ANXA1: variants seen among roughly 807,000 people sequenced by gnomAD.
The protein encoded by ANXA1 is annexin I (lipocortin I).
A neutral mutation model predicts 47.9 loss-of-function variants in ANXA1; 39 were observed. That is an observed-to-expected ratio of 0.81 (90% confidence interval 0.63 to 1.06). The LOEUF (loss-of-function observed/expected upper bound fraction) is 1.06, where lower values mean the gene tolerates loss of function less well. Ranked by LOEUF, ANXA1 falls within the 50% of genes least tolerant of loss-of-function variation. The pLI is 0.00. For synonymous variants in ANXA1, 146 were observed against 142.5 expected (o/e 1.02, Z -0.17); for missense variants, 446 against 422.7 (o/e 1.06, Z -0.48).
At chr9:73,165,946 T>C in intron 9 of ANXA1, 151 bp from the exon 10 acceptor site, 1 of 568,322 alleles carries the variant, frequency 1.8e-6, no homozygotes, top group Non-Finnish European at 3.1e-6. Flanking sequence ...GATGAAGTAT[T>C]CACGTTATGA....
intron 8 of ANXA1, among the ~76,000 whole-genome samples, chr9:73,163,828 G>T (rs1824184058): frequency 6.6e-6 from 1 of 152,078 alleles, no homozygotes; most frequent in African/African-American, 2.4e-5. Context: ...ACCTTTCGTT[G>T]TACTAGGTAT....
chr9:73,157,479 A>T (rs147016834), intron 1 of ANXA1, among the ~76,000 whole-genome samples: 6,981 of 151,266 alleles, frequency 0.046, 244 homozygotes, highest in Middle Eastern at 0.1. Flanking sequence ...CATGGTGAAA[A>T]CCTGTCTCTA....
At chr9:73,169,870 T>C (rs1824293906) in intron 12 of ANXA1, among the ~76,000 whole-genome samples, 181 bp from the exon 13 acceptor site, 1 of 152,144 alleles carries the variant, frequency 6.6e-6, no homozygotes, top group South Asian at 2.1e-4. Flanking sequence ...TCTTGAAGGC[T>C]ATTGCTTTTT....
chr9:73,152,198 A>C (rs1395970607), intron 1 of ANXA1, among the ~76,000 whole-genome samples: 1 of 152,176 alleles, frequency 6.6e-6, no homozygotes, highest in African/African-American at 2.4e-5. Flanking sequence ...TACCATGAGA[A>C]AGAAGGGAAG....
chr9:73,170,034 T>G lies in ANXA1; in HGVS notation c.985-17T>G. On this transcript the variant is annotated splice_polypyrimidine_tract_variant and intron_variant, in intron 12 of 12. Transcript: ENST00000257497. ...GGTTTCGACTAACATTAAGTATACC[T>G]TTTTTTGAATCAACAGGATGAAACC... is the stretch of plus-strand genomic sequence containing the variant. 3.2e-6 allele frequency: 5 copies of G among 1,579,478 alleles called. No homozygotes were observed. The highest frequency in any genetic ancestry group is 3.4e-6 in the Non-Finnish European group (4 of 1,159,998).
At position 73,164,664 on chromosome 9, in the gene ANXA1, T is replaced by A. The variant is rs187966392; in HGVS notation, c.613-452T>A. Among the ~76,000 whole-genome samples the A allele has an allele frequency of 1.8e-3, 271 of 152,252 alleles. 3 individuals carry two copies. In the South Asian group the frequency reaches 0.029, roughly 16 times the overall value. On this transcript the variant is annotated intron_variant, in intron 8 of 12. Transcript: ENST00000257497. ...GTAAGGTTGATCTATTTGTCTAAGA[T>A]TATGCAGCTTTGAAATTGCAGAGTC... is the stretch of plus-strand genomic sequence containing the variant.
intron 6 of ANXA1, among the ~76,000 whole-genome samples, chr9:73,162,041 T>C (rs1287145449): frequency 6.6e-6 from 1 of 152,172 alleles, no homozygotes; most frequent in Admixed American, 6.6e-5. Flanking sequence ...GAAGCAGATG[T>C]GTGCAGAGAG....
intron 8 of ANXA1, among the ~76,000 whole-genome samples, chr9:73,164,047 G>A (rs767779991): frequency 3.3e-5 from 5 of 152,038 alleles, no homozygotes; most frequent in Non-Finnish European, 1.5e-5. Flanking sequence ...TGACATTGCT[G>A]ATTATTTATA....
intron 4 of ANXA1, chr9:73,159,737 A>C (rs1366611804): frequency 5.1e-6 from 1 of 195,434 alleles, no homozygotes; most frequent in Non-Finnish European, 1.0e-5. Flanking sequence ...ATGTACTAAT[A>C]TTTAAACTGA....
At position 73,167,512 on chromosome 9, in the gene ANXA1, G is replaced by T. The variant is rs1466603676; in HGVS notation, c.818G>T (p.Ser273Ile). Residue 273 changes from serine (S) to isoleucine (I), a missense_variant, in exon 11 of 13, where the codon AGC becomes ATC. By Grantham distance (142) the Ser-to-Ile change is moderately radical. Transcript: ENST00000257497. ...TCTCTAACAGTGAAGTGCGCCACAA[G>T]CAAACCAGCTTTCTTTGCAGAGAAG... ...CLTAIVKCAT[S>I]KPAFFAEKLH... The T allele has an allele frequency of 2.5e-6, 4 of 1,613,268 alleles. No individual in the cohort carries two copies. The highest frequency in any genetic ancestry group is 3.4e-6 in the Non-Finnish European group (4 of 1,179,534).
At chr9:73,160,687 T>C in intron 5 of ANXA1, 116 bp from the exon 6 acceptor site, 2 of 711,328 alleles carry the variant, frequency 2.8e-6, no homozygotes, top group Non-Finnish European at 4.9e-6. Context: ...TTAAATGTTG[T>C]GGGTGAAATT....
chr9:73,156,757 T>G (rs1824054459), intron 1 of ANXA1, among the ~76,000 whole-genome samples: 1 of 152,198 alleles, frequency 6.6e-6, no homozygotes, highest in Admixed American at 6.5e-5. Flanking sequence ...ATCAAGAATT[T>G]AAAACTGCCA....
At chr9:73,164,995 A>G (rs1824202603) in intron 8 of ANXA1, 121 bp from the exon 9 acceptor site, 2 of 667,610 alleles carry the variant, frequency 3.0e-6, no homozygotes, top group East Asian at 5.8e-5. Flanking sequence ...CTTATTGTTG[A>G]CTACTCTGAT....
chr9:73,158,352 TA>T (rs1563961472), intron 1 of ANXA1, 169 bp from the exon 2 acceptor site: 21 of 564,560 alleles, frequency 3.7e-5, no homozygotes, highest in Non-Finnish European at 5.0e-5. Context: ...AAGCTTCCTT[TA>T]AAAAAAATTA....
intron 6 of ANXA1, among the ~76,000 whole-genome samples, chr9:73,162,086 A>C (rs561978880): frequency 3.3e-5 from 5 of 152,232 alleles, no homozygotes. Context: ...GGCTCTTTTC[A>C]ACAGCCAGTT....
At chr9:73,165,292 CAG>C in intron 9 of ANXA1, 83 bp downstream of exon 9, 1 of 1,100,820 alleles carries the variant, frequency 9.1e-7, no homozygotes, top group South Asian at 1.4e-5. Context: ...AAAGTAAAAA[CAG>C]AACCCTTTTT....
intron 1 of ANXA1, chr9:73,157,796 A>G (rs1210389656): frequency 2.0e-5 from 3 of 151,976 alleles, no homozygotes; most frequent in Non-Finnish European, 1.5e-5. Flanking sequence ...TCTCTTAGCC[A>G]TTCTCCATGA....
intron 10 of ANXA1, 38 bp from the exon 11 acceptor site, chr9:73,167,459 A>G: frequency 3.8e-6 from 6 of 1,583,726 alleles, no homozygotes; most frequent in Non-Finnish European, 5.2e-6. Context: ...CATTTTTTTC[A>G]TGGTAAATAC....
chr9:73,163,770 C>T (rs1588222915), intron 8 of ANXA1, among the ~76,000 whole-genome samples: 1 of 152,054 alleles, frequency 6.6e-6, no homozygotes, highest in African/African-American at 2.4e-5. Context: ...AAGGACAATA[C>T]AAATTTGATT....
Sources: allele counts gnomAD v4.1 joint callset (sites outside exome capture counted in the v4.1 genomes callset), GRCh38; gene constraint gnomAD v4.1.1; transcripts MANE v1.5; gene names NCBI Gene and HGNC (gene_info 2026-07-23, HGNC 2026-07-21).